Variants in ILKAP observed in about 807,000 individuals in gnomAD.
ILKAP encodes the protein ILK associated serine/threonine phosphatase.
ILKAP carries 11 observed loss-of-function variants against 49.1 expected under a neutral mutation model. That is an observed-to-expected ratio of 0.22 (90% CI 0.14 to 0.37). The LOEUF is 0.37. Ranked by LOEUF, ILKAP falls within the 10% of genes least tolerant of loss-of-function variation. The pLI, the probability that ILKAP is intolerant of heterozygous loss-of-function variation, is 1.00. For missense variants in ILKAP, 363 were observed against 510.8 expected, an observed-to-expected ratio of 0.71 and a Z score of 2.79; for synonymous variants, 186 against 192.8, an observed-to-expected ratio of 0.96 and a Z score of 0.29.
chr2:238,185,244 T>C lies in ILKAP; in HGVS notation c.469A>G (p.Ile157Val). The C allele has an allele frequency of 6.2e-7, 1 of 1,613,854 alleles. No individual in the cohort carries two copies. The highest frequency in any genetic ancestry group is 1.1e-5 in the South Asian group (1 of 91,066). The part of the protein sequence containing the change: ...YFAVFDGHGG[I>V]RASKFAAQNL... Reference sequence around the variant, plus strand: ...TGTGCAGCAAATTTTGAGGCTCGAATTCCTCCATGTCCATCAAAAACAGCA... The same window carrying C: ...TGTGCAGCAAATTTTGAGGCTCGAACTCCTCCATGTCCATCAAAAACAGCA... Residue 157 changes from isoleucine to valine, a missense_variant, in exon 6 of 12, where the codon ATT (isoleucine) becomes GTT (valine). Ile to Val is a conservative substitution (Grantham distance 29). Around this residue, in one of 3 missense-constraint regions of ILKAP, gnomAD observed 166 missense variants for 307.3 expected, o/e 0.54. Coordinates refer to ENST00000254654, the MANE Select transcript of ILKAP (RefSeq NM_030768.3).
intron 9 of ILKAP, among the ~76,000 whole-genome samples, chr2:238,180,936 G>C (rs1693663810): frequency 6.6e-6 from 1 of 152,244 alleles, no homozygotes; most frequent in Non-Finnish European, 1.5e-5. Context: ...AGGCATGACT[G>C]TCCACAGTAG....
intron 5 of ILKAP, chr2:238,185,802 TA>T (rs200520377): frequency 8.7e-4 from 119 of 136,520 alleles, no homozygotes; most frequent in Admixed American, 1.3e-3. Context: ...AGATTCTGTC[TA>T]AAAAAAAAAA....
At chr2:238,188,773 A>G (rs1694004809) in intron 4 of ILKAP, among the ~76,000 whole-genome samples, 1 of 152,346 alleles carries the variant, frequency 6.6e-6, no homozygotes, top group South Asian at 2.1e-4. Flanking sequence ...AAAAGGATAA[A>G]AGATTCCAAT....
intron 2 of ILKAP, chr2:238,194,549 G>T (rs562955529): frequency 1.7e-5 from 10 of 604,420 alleles, no homozygotes; most frequent in Non-Finnish European, 2.7e-5. Context: ...AAGTTAAATT[G>T]TACTTCAGGT....
chr2:238,191,936 G>A (rs1325791658), intron 3 of ILKAP, among the ~76,000 whole-genome samples: 1 of 151,062 alleles, frequency 6.6e-6, no homozygotes, highest in Non-Finnish European at 1.5e-5. Flanking sequence ...AAAAAGGCCA[G>A]GCGCAGCGGC....
chr2:238,178,276 G>A (rs952704741), intron 9 of ILKAP, among the ~76,000 whole-genome samples: 1 of 152,184 alleles, frequency 6.6e-6, no homozygotes, highest in Non-Finnish European at 1.5e-5. Context: ...AGAACTCCTA[G>A]ACTCAAGTGA....
At chr2:238,192,266 AC>A (rs1192028067) in intron 3 of ILKAP, among the ~76,000 whole-genome samples, 1 of 151,970 alleles carries the variant, frequency 6.6e-6, no homozygotes, top group Admixed American at 6.6e-5. Flanking sequence ...AAATAAAGAC[AC>A]CTTACAGGTT....
chr2:238,170,488 G>T lies in ILKAP; in HGVS notation c.*48C>A. ...CACACAATGTGCACACACACAAAAT[G>T]AACCTTTTAAGTCAATACCATGCGT... is the stretch of plus-strand genomic sequence containing the variant. On this transcript the variant is annotated 3_prime_UTR_variant, in exon 12 of 12. Transcript: ENST00000254654. The T allele has an allele frequency of 6.5e-7, 1 of 1,544,904 alleles. No individual in the cohort carries two copies. Among genetic ancestry groups the T allele is most frequent in the South Asian group, 1.2e-5 (1 of 82,848 alleles).
intron 9 of ILKAP, among the ~76,000 whole-genome samples, chr2:238,180,747 G>C (rs1215699032): frequency 1.3e-5 from 2 of 152,224 alleles, no homozygotes; most frequent in African/African-American, 4.8e-5. Flanking sequence ...ACACTTCTCT[G>C]AATCAGGTAA....
intron 4 of ILKAP, 41 bp downstream of exon 4, chr2:238,189,812 A>C (rs1694047754): frequency 6.3e-7 from 1 of 1,596,272 alleles, no homozygotes; most frequent in South Asian, 1.1e-5. Context: ...TTGTTTTAAA[A>C]TATGAAGTCT....
intron 5 of ILKAP, among the ~76,000 whole-genome samples, chr2:238,187,648 T>A (rs1449317957): frequency 2.0e-5 from 3 of 152,168 alleles, no homozygotes; most frequent in Non-Finnish European, 4.4e-5. Flanking sequence ...TAGCTCTGCT[T>A]GATCACCATT....
intron 1 of ILKAP, among the ~76,000 whole-genome samples, chr2:238,196,043 CAAAAA>C (rs71043116): frequency 1.5e-5 from 1 of 67,868 alleles, no homozygotes. Flanking sequence ...GACTCTGTCA[CAAAAA>C]AAAAAAAAAA....
intron 3 of ILKAP, among the ~76,000 whole-genome samples, chr2:238,190,978 A>G (rs1264196535): frequency 6.6e-6 from 1 of 150,814 alleles, no homozygotes; most frequent in Non-Finnish European, 1.5e-5. Context: ...TTTTTGACAC[A>G]GGGTCTCATT....
At chr2:238,186,766 T>G (rs1485027001) in intron 5 of ILKAP, 2 of 152,158 alleles carry the variant, frequency 1.3e-5, no homozygotes, top group Non-Finnish European at 2.9e-5. Flanking sequence ...GAGCTGCTTT[T>G]CTTTCAAGTT....
At chr2:238,190,770 G>C (rs1428495108) in intron 3 of ILKAP, among the ~76,000 whole-genome samples, 1 of 151,202 alleles carries the variant, frequency 6.6e-6, no homozygotes, top group African/African-American at 2.4e-5. Flanking sequence ...GCCAGATGCA[G>C]TGGCACATGC....
chr2:238,171,090 G>T, intron 10 of ILKAP, 66 bp from the exon 11 acceptor site: 1 of 1,070,544 alleles, frequency 9.3e-7, no homozygotes, highest in Non-Finnish European at 1.4e-6. Context: ...ATAAAAAAAG[G>T]GCCTGGAGAT....
intron 1 of ILKAP, among the ~76,000 whole-genome samples, chr2:238,198,541 T>A (rs1403339016): frequency 6.6e-6 from 1 of 152,138 alleles, no homozygotes; most frequent in Non-Finnish European, 1.5e-5. Context: ...TCCAGGCCCT[T>A]ACATTCTATT....
chr2:238,178,107 G>A (rs1343602675), intron 9 of ILKAP, among the ~76,000 whole-genome samples: 4 of 152,296 alleles, frequency 2.6e-5, no homozygotes, highest in East Asian at 3.9e-4. Context: ...TCACTTTTGC[G>A]CACAGTGCCA....
chr2:238,183,864 T>C lies in ILKAP; in HGVS notation c.627-124A>G. 5 of 980,184 alleles carry C rather than the reference T, an allele frequency of 5.1e-6. No homozygotes were observed. The Admixed American group carries it at 1.2e-4, about 24-fold the overall frequency. The allele number at this position is 980,184 out of a possible 1,614,324, so 60.7% of individuals were successfully genotyped here. A position where few individuals can be genotyped will look rare whatever the true frequency, so the allele number is the denominator to read the frequency against. The stretch of plus-strand genomic sequence containing the variant: ...GAACCATTTCCTTGATACTTGCTTT[T>C]TTTCTGTTTTAGATTTAGCTAACGG... On this transcript the variant is annotated intron_variant, in intron 7 of 11. Transcript: ENST00000254654.
Sources: gnomAD v4.1 joint callset for allele counts (sites outside exome capture counted in the v4.1 genomes callset) on GRCh38, gnomAD v4.1.1 for gene constraint, gnomAD v4.1.1 regional missense constraint, MANE v1.5 for transcripts, NCBI Gene and HGNC (gene_info 2026-07-23, HGNC 2026-07-21) for gene names.